The following CRHR1 variants were observed in gnomAD, a reference collection of about 807,000 sequenced individuals.
CRHR1 encodes the protein corticotropin releasing hormone receptor 1, also known as corticotropin-releasing hormone receptor 1.
Under a neutral mutation model 56.0 loss-of-function variants are expected in CRHR1, and 28 were observed. That is an observed-to-expected ratio of 0.50 (90% CI 0.37 to 0.69). CRHR1 has a LOEUF of 0.69. CRHR1 is among the 30% of genes least tolerant of loss of function. The probability of loss-of-function intolerance (pLI) is 0.00; values close to 1 mark genes in which losing one functional copy is unlikely to be tolerated. For missense variants in CRHR1, 376 were observed against 548.0 expected (o/e 0.69, Z 3.13); for synonymous variants, 195 against 216.5 (o/e 0.90, Z 0.87).
chr17:45,822,803 A>T (rs1490467031), intron 4 of CRHR1, among the ~76,000 whole-genome samples: 1 of 151,592 alleles, frequency 6.6e-6, no homozygotes, highest in Non-Finnish European at 1.5e-5. Context: ...GTGAGCCGAG[A>T]TTGTGCCATT....
intron 1 of CRHR1, among the ~76,000 whole-genome samples, chr17:45,798,208 C>T (rs1261569603): frequency 1.3e-5 from 2 of 152,120 alleles, no homozygotes; most frequent in Admixed American, 6.5e-5. Flanking sequence ...TGCTCTGTAT[C>T]GGGCCCCACT....
intron 7 of CRHR1, 71 bp downstream of exon 7, chr17:45,830,641 G>C: frequency 1.3e-6 from 2 of 1,531,924 alleles, no homozygotes; most frequent in African/African-American, 1.4e-5. Flanking sequence ...CCAGACTCAG[G>C]CCAGCGGGCT....
intron 3 of CRHR1, among the ~76,000 whole-genome samples, chr17:45,820,818 C>A (rs1287362756): frequency 6.6e-6 from 1 of 152,226 alleles, no homozygotes; most frequent in Non-Finnish European, 1.5e-5. Flanking sequence ...ATGTGCAGCA[C>A]AGCCAGTGAG....
intron 4 of CRHR1, among the ~76,000 whole-genome samples, chr17:45,828,236 C>CCAGT (rs2062209096): frequency 6.6e-6 from 1 of 152,218 alleles, no homozygotes; most frequent in Admixed American, 6.5e-5. Context: ...TGGGGACTGA[C>CCAGT]CAGTCCCCTA....
Position 45,835,663 on chromosome 17 carries a change from C to G in CRHR1, c.*899C>G, listed in dbSNP as rs2062421813. On this transcript the variant is annotated 3_prime_UTR_variant, in exon 13 of 13. Transcript: ENST00000314537. ...CCTGCCCAAGTGGCTCTTGGGACAACGTGCTGCTTACACTCCAGGTGTGGA... is the reference window on the plus strand; with the variant it reads ...CCTGCCCAAGTGGCTCTTGGGACAAGGTGCTGCTTACACTCCAGGTGTGGA... 1 of 152,318 alleles carries G rather than the reference C, an allele frequency of 6.6e-6. No individual in the cohort carries two copies. Among genetic ancestry groups the G allele is most frequent in the Admixed American group, 6.5e-5 (1 of 15,284 alleles). 9.4% of individuals were successfully genotyped at this position (152,318 alleles called of 1,614,324 possible).
Position 45,829,248 on chromosome 17 carries a change from A to T in CRHR1, c.361A>T (p.Ile121Phe). 1 of 1,614,088 alleles carries T rather than the reference A, an allele frequency of 6.2e-7. No homozygotes were observed. The highest frequency in any genetic ancestry group is 1.1e-5 in the South Asian group (1 of 91,066). The part of the protein sequence containing the change: ...KSKVHYHVAV[I>F]INYLGHCISL... ...CAAGGTGCACTACCATGTCGCAGTC[A>T]TCATCAACTACCTGGGCCACTGTAT... Residue 121 changes from isoleucine to phenylalanine, a missense_variant, in exon 5 of 13, where the codon ATC becomes TTC. Coordinates refer to ENST00000314537, the MANE Select transcript of CRHR1 (RefSeq NM_004382.5).
At chr17:45,829,451 TGA>T (rs1447100218) in intron 5 of CRHR1, 130 bp downstream of exon 5, 3 of 1,336,390 alleles carry the variant, frequency 2.2e-6, no homozygotes, top group Non-Finnish European at 3.1e-6. Context: ...CTGGCTTATC[TGA>T]GAGTCTCAGG....
chr17:45,809,650 C>T (rs1003117196), intron 2 of CRHR1, among the ~76,000 whole-genome samples: 3 of 152,218 alleles, frequency 2.0e-5, no homozygotes, highest in Admixed American at 6.5e-5. Context: ...CTACCCAGAC[C>T]GACGGGCACT....
Position 45,835,066 on chromosome 17 carries a change from C to T in CRHR1, c.*302C>T. 1 of 430,064 alleles carries T rather than the reference C, an allele frequency of 2.3e-6. No individual in the cohort carries two copies. The highest frequency in any genetic ancestry group is 4.4e-5 in the South Asian group (1 of 22,472). 26.6% of individuals were successfully genotyped at this position (430,064 alleles called of 1,614,324 possible). A position where few individuals can be genotyped will look rare whatever the true frequency, so the allele number is the denominator to read the frequency against. On this transcript the variant is annotated 3_prime_UTR_variant, in exon 13 of 13. Transcript: ENST00000314537. ...ATGGGGCGCTGGACACCTACAGCAG[C>T]ACGCATGTCCCTCCAAGGCTGTCTT...
Position 45,834,969 on chromosome 17 carries a change from C to A in CRHR1, c.*205C>A. On this transcript the variant is annotated 3_prime_UTR_variant, in exon 13 of 13. Transcript: ENST00000314537. The stretch of plus-strand genomic sequence containing the variant: ...CATGAGTGGAAAGTCACCTACAGGA[C>A]TGGGCCGGGCCCAGGGCCTCTGGCT... The A allele has an allele frequency of 3.0e-6, 2 of 664,818 alleles. No homozygotes were observed. Among genetic ancestry groups the A allele is most frequent in the Non-Finnish European group, 5.0e-6 (2 of 401,822 alleles). The allele number at this position is 664,818 out of a possible 1,614,324, so 41.2% of individuals were successfully genotyped here.
intron 9 of CRHR1, 25 bp downstream of exon 9, chr17:45,833,235 G>A (rs371351168): frequency 1.2e-6 from 2 of 1,610,840 alleles, no homozygotes; most frequent in African/African-American, 2.7e-5. Flanking sequence ...AGGGGCAGGA[G>A]ACAGGGCCCA....
rs547517679 is a variant in CRHR1, at chr17:45,808,121, C to T, written c.121+1024C>T. 3.3e-5 allele frequency among the ~76,000 whole-genome samples: 5 copies of T among 152,324 alleles called. No homozygotes were observed. In the South Asian group the frequency reaches 8.3e-4, roughly 25 times the overall value. ...AGCACCTACTACACAGCAGGCCCCACGCAGGGCACTGGGGGAAACAAGGGG... is the reference window on the plus strand; with the variant it reads ...AGCACCTACTACACAGCAGGCCCCATGCAGGGCACTGGGGGAAACAAGGGG... On this transcript the variant is annotated intron_variant, in intron 2 of 12. Transcript: ENST00000314537.
At chr17:45,824,890 T>C (rs1026804979) in intron 4 of CRHR1, among the ~76,000 whole-genome samples, 1 of 151,522 alleles carries the variant, frequency 6.6e-6, no homozygotes, top group African/African-American at 2.4e-5. Flanking sequence ...TCAGGGGAGG[T>C]TGTAGTGTAC....
At chr17:45,785,263 G>A (rs2061314754) in intron 1 of CRHR1, among the ~76,000 whole-genome samples, 2 of 152,264 alleles carry the variant, frequency 1.3e-5, no homozygotes, top group African/African-American at 4.8e-5. Flanking sequence ...CTGGAGTTTA[G>A]GAAAGTAGCC....
At chr17:45,819,162 C>T (rs17689608) in intron 3 of CRHR1, among the ~76,000 whole-genome samples, 1 of 152,158 alleles carries the variant, frequency 6.6e-6, no homozygotes, top group Non-Finnish European at 1.5e-5. Flanking sequence ...TATATAAATA[C>T]AGCTCCAAGA....
At chr17:45,794,153 G>C (rs903726942) in intron 1 of CRHR1, among the ~76,000 whole-genome samples, 1 of 152,268 alleles carries the variant, frequency 6.6e-6, no homozygotes, top group Admixed American at 6.5e-5. Context: ...GTGTGGTCCT[G>C]CTGTGTAGCC....
rs959910588 is a variant in CRHR1, at chr17:45,835,725, G to A, written c.*961G>A. ...CCCCACTGACCTGCCCATGTCCAGA[G>A]GGACTGGACAGCCAGGGCAGGGCTT... On this transcript the variant is annotated 3_prime_UTR_variant, in exon 13 of 13. Transcript: ENST00000314537. 6 of 152,448 alleles carry A rather than the reference G, an allele frequency of 3.9e-5. No homozygotes were observed. The highest frequency in any genetic ancestry group is 1.4e-4 in the African/African-American group (6 of 41,590). The allele number at this position is 152,448 out of a possible 1,614,324, so 9.4% of individuals were successfully genotyped here. A position where few individuals can be genotyped will look rare whatever the true frequency, so the allele number is the denominator to read the frequency against.
chr17:45,788,258 G>A (rs2061368805), intron 1 of CRHR1, among the ~76,000 whole-genome samples: 1 of 152,204 alleles, frequency 6.6e-6, no homozygotes, highest in Non-Finnish European at 1.5e-5. Flanking sequence ...TCTGATCCCA[G>A]CTCTGCCTCC....
intron 4 of CRHR1, chr17:45,825,720 C>T (rs2062147591): frequency 6.5e-6 from 1 of 153,330 alleles, no homozygotes; most frequent in Non-Finnish European, 1.5e-5. Flanking sequence ...GCGTGCTCCT[C>T]TGCGTGCTGT....
Sources: gnomAD v4.1 joint callset for allele counts (sites outside exome capture counted in the v4.1 genomes callset) on GRCh38, gnomAD v4.1.1 for gene constraint, MANE v1.5 for transcripts, NCBI Gene and HGNC (gene_info 2026-07-23, HGNC 2026-07-21) for gene names.